Variants in SETD1B observed in about 807,000 individuals in gnomAD.
SETD1B encodes SET domain containing 1B, histone lysine methyltransferase.
SETD1B carries 7 observed loss-of-function variants against 148.0 expected under a neutral mutation model. That is an observed-to-expected ratio of 0.05 (90% CI 0.03 to 0.09). SETD1B has a LOEUF of 0.09. SETD1B is among the 10% of genes least tolerant of loss of function. SETD1B has a pLI of 1.00. For missense variants in SETD1B, 2,155 were observed against 2,729.9 expected, an observed-to-expected ratio of 0.79 and a Z score of 4.69; for synonymous variants, 1,361 against 1,186.5, an observed-to-expected ratio of 1.15 and a Z score of -3.02.
the SETD1B span, chr12:121,793,057 G>A: frequency 1.3e-5 from 14 of 1,079,734 alleles, no homozygotes; most frequent in Non-Finnish European, 1.9e-5. Context: ...CCCTGCCAAG[G>A]CTGCAGGGCG....
upstream of SETD1B, chr12:121,799,051 C>T (rs1479759830): frequency 6.6e-6 from 1 of 152,258 alleles, no homozygotes; most frequent in Non-Finnish European, 1.5e-5. Flanking sequence ...AAATGCCAGT[C>T]CTAAGGACCA....
rs760978203 is a variant in SETD1B at position 121,810,396 on chromosome 12, C to T, written c.1451C>T (p.Thr484Met). Residue 484 changes from threonine (T) to methionine (M), a missense_variant, in exon 6 of 17, where the codon ACG becomes ATG. Transcript: ENST00000604567. This position sits in a 1 kb window ranked among gnomAD's most constrained non-coding sequence, Gnocchi z 7.6. The stretch of plus-strand genomic sequence containing the variant: ...CCCTGTGACAGCCCTGGCACGCCCA[C>T]GCTGGAGTCGTCCCCTGCAGGGCCA... ...PEPCDSPGTPTLESSPAGPEK... is the reference protein window; with the variant it reads ...PEPCDSPGTPMLESSPAGPEK... The T allele has an allele frequency of 1.5e-5, 23 of 1,548,748 alleles. No homozygotes were observed. Among genetic ancestry groups the T allele is most frequent in the South Asian group, 4.8e-5 (4 of 84,062 alleles).
At position 121,808,379 on chromosome 12, in the gene SETD1B, T is replaced by A; in HGVS notation, c.657+59T>A. ...AGCTCTTTGATGTGCCCCCCACCTC[T>A]GGAAAGCCTCACCAACTCTCTTATG... On this transcript the variant is annotated intron_variant, in intron 5 of 16. Transcript: ENST00000604567. The surrounding 1 kb of genome is among the most constrained non-coding windows in gnomAD (Gnocchi z 5.3). 2 of 1,192,802 alleles carry A rather than the reference T, an allele frequency of 1.7e-6. No homozygotes were observed. The allele number at this position is 1,192,802 out of a possible 1,614,324, so 73.9% of individuals were successfully genotyped here.
Position 121,819,407 on chromosome 12 carries a change from A to G in SETD1B, c.3422A>G (p.Glu1141Gly), listed in dbSNP as rs1211706334. The change falls in exon 11 of 17, where the codon GAG (glutamate) becomes GGG (glycine). Residue 1141 changes from glutamate to glycine, a missense_variant. Physicochemically the swap from Glu to Gly is moderately conservative, Grantham distance 98. Transcript: ENST00000604567. ...CTCGTCTGTGTCCCCCATCCAGAGG[A>G]GACAGTGAGCATTGTAACCTCCAAG... Reference protein sequence around the residue: ...EKDEGDSDEEETVSIVTSKAE... With the variant: ...EKDEGDSDEEGTVSIVTSKAE... 2.6e-6 allele frequency: 4 copies of G among 1,551,686 alleles called. No homozygotes were observed. Among genetic ancestry groups the G allele is most frequent in the Non-Finnish European group, 3.5e-6 (4 of 1,147,028 alleles).
rs1876472522 is a variant in SETD1B, at chr12:121,819,647, G to T, written c.3662G>T (p.Gly1221Val). 6.4e-7 allele frequency: 1 copy of T among 1,551,498 alleles called. No individual in the cohort carries two copies. Among genetic ancestry groups the T allele is most frequent in the South Asian group, 1.2e-5 (1 of 84,056 alleles). ...GGGGAGGAAGCGGCTCTGGCCCCGG[G>T]GGCACCTGCAGTGGACTCGTTGGGC... ...QDGEEAALAPGAPAVDSLGME... is the reference protein window; with the variant it reads ...QDGEEAALAPVAPAVDSLGME... Residue 1221 changes from glycine to valine, a missense_variant, in exon 11 of 17, where the codon GGG becomes GTG. By Grantham distance (109) the Gly-to-Val change is moderately radical (BLOSUM62 -3). Coordinates refer to ENST00000604567, the MANE Select transcript of SETD1B (RefSeq NM_001353345.2).
In SETD1B at chr12:121,830,534, CCTCT is replaced by C. The variant is rs1042129663; in HGVS notation, c.*302_*305del. On this transcript the variant is annotated 3_prime_UTR_variant, in exon 17 of 17. Transcript: ENST00000604567. This position sits in a 1 kb window ranked among gnomAD's most constrained non-coding sequence, Gnocchi z 5.7. ...GCTTCTCTCTCTCCGTCTCTCCTCC[CCTCT>C]CTCTCTTCTCTGTCTCTTCTCTCTC... 5 of 310,104 alleles carry C rather than the reference CCTCT, an allele frequency of 1.6e-5. No individual in the cohort carries two copies. The highest frequency in any genetic ancestry group is 3.0e-5 in the Non-Finnish European group (5 of 166,716). The allele number at this position is 310,104 out of a possible 1,614,324, so 19.2% of individuals were successfully genotyped here.
At chr12:121,820,010 C>T (rs889632843) in intron 11 of SETD1B, 115 bp downstream of exon 11, 45 of 884,692 alleles carry the variant, frequency 5.1e-5, no homozygotes, top group Non-Finnish European at 6.7e-5. Context: ...CTCAGTTTCC[C>T]GTGTAAAACG....
rs975102095 is a variant in SETD1B at position 121,823,831 on chromosome 12, C to T, written c.5170+82C>T. 45 of 1,460,570 alleles carry T rather than the reference C, an allele frequency of 3.1e-5. 2 individuals are homozygous for T. The South Asian group carries it at 5.6e-4, about 18-fold the overall frequency. The allele number at this position is 1,460,570 out of a possible 1,614,324, so 90.5% of individuals were successfully genotyped here. A position where few individuals can be genotyped will look rare whatever the true frequency, so the allele number is the denominator to read the frequency against. On this transcript the variant is annotated intron_variant, in intron 12 of 16. Transcript: ENST00000604567. ...ACCTCTCTGGGCCCCACCACCCAGTCTGTAGCAGCCCGCGGTGCCCATGAA... is the reference window on the plus strand; with the variant it reads ...ACCTCTCTGGGCCCCACCACCCAGTTTGTAGCAGCCCGCGGTGCCCATGAA...
At chr12:121,806,404 G>C (rs1875743167) in intron 4 of SETD1B, among the ~76,000 whole-genome samples, 2 of 152,174 alleles carry the variant, frequency 1.3e-5, no homozygotes, top group African/African-American at 4.8e-5. Flanking sequence ...AGCCCTGGTG[G>C]CTTGGGTTTA....
intron 11 of SETD1B, 110 bp from the exon 12 acceptor site, chr12:121,822,380 C>A: frequency 3.8e-6 from 5 of 1,311,606 alleles, no homozygotes; most frequent in Non-Finnish European, 5.1e-6. Flanking sequence ...GGACAGGTCC[C>A]GTGCTCAGAC....
the SETD1B span, chr12:121,797,969 G>A: frequency 1.3e-5 from 3 of 237,498 alleles, no homozygotes; most frequent in African/African-American, 4.6e-5. Flanking sequence ...CGGCTCATCG[G>A]GGATTGAAGA....
the SETD1B span, among the ~76,000 whole-genome samples, chr12:121,796,931 G>A: frequency 6.6e-6 from 1 of 151,998 alleles, no homozygotes; most frequent in Non-Finnish European, 1.5e-5. Flanking sequence ...CCAGCTACTC[G>A]GAGGCTGAGG....
chr12:121,798,388 G>A, the SETD1B span, among the ~76,000 whole-genome samples: 1 of 151,998 alleles, frequency 6.6e-6, no homozygotes, highest in Non-Finnish European at 1.5e-5. Context: ...TTCAGCAGGT[G>A]GGCTGGTGCG....
upstream of SETD1B, chr12:121,800,307 C>T (rs946374801): frequency 1.3e-5 from 2 of 152,368 alleles, no homozygotes; most frequent in Non-Finnish European, 1.5e-5. Context: ...GGCTGCCCAA[C>T]GGGGCGTCTG....
chr12:121,830,490 C>G lies in SETD1B; in HGVS notation c.*251C>G. The G allele has an allele frequency of 2.4e-6, 1 of 410,756 alleles. No homozygotes were observed. Among genetic ancestry groups the G allele is most frequent in the Non-Finnish European group, 4.4e-6 (1 of 227,814 alleles). 25.4% of individuals were successfully genotyped at this position (410,756 alleles called of 1,614,324 possible). ...TTAACAAACGCCCCTTTCAGGATTT[C>G]TGTTTAACTCCAGCATCAGCTTCTC... On this transcript the variant is annotated 3_prime_UTR_variant, in exon 17 of 17. Transcript: ENST00000604567. This position sits in a 1 kb window ranked among gnomAD's most constrained non-coding sequence, Gnocchi z 5.7.
In SETD1B at chr12:121,823,365, C is replaced by T. The variant is rs1268610473; in HGVS notation, c.4786C>T (p.Pro1596Ser). Reference protein sequence around the residue: ...LPPQPPPPPPPPPVEPTKLPF... With the variant: ...LPPQPPPPPPSPPVEPTKLPF... Reference sequence around the variant, plus strand: ...CCCCCAGCCACCCCCACCCCCACCTCCCCCACCTGTAGAGCCCACCAAGCT... The same window carrying T: ...CCCCCAGCCACCCCCACCCCCACCTTCCCCACCTGTAGAGCCCACCAAGCT... The change falls in exon 12 of 17, where the codon CCC becomes TCC. Residue 1596 changes from proline (P) to serine (S), a missense_variant. Around this residue, in one of 11 missense-constraint regions of SETD1B, gnomAD observed 862 missense variants for 873.8 expected, o/e 0.99. Transcript: ENST00000604567. 7 of 1,522,578 alleles carry T rather than the reference C, an allele frequency of 4.6e-6. No individual in the cohort carries two copies. The highest frequency in any genetic ancestry group is 6.2e-6 in the Non-Finnish European group (7 of 1,129,800). The allele number at this position is 1,522,578 out of a possible 1,614,324, so 94.3% of individuals were successfully genotyped here.
chr12:121,802,319 CTG>C (rs762553593), upstream of SETD1B: 3 of 152,216 alleles, frequency 2.0e-5, no homozygotes, highest in South Asian at 2.1e-4. Flanking sequence ...AACATCAAAA[CTG>C]TACTGCGTCA....
chr12:121,827,498 C>T (rs1218623959), intron 13 of SETD1B, 21 bp from the exon 14 acceptor site: 4 of 1,521,330 alleles, frequency 2.6e-6, no homozygotes, highest in African/African-American at 2.8e-5. Flanking sequence ...TCCGCTGAGC[C>T]CCGCACACCG....
chr12:121,810,224 G>A lies in SETD1B; in HGVS notation c.1279G>A (p.Glu427Lys), dbSNP rs1193329037. 26 of 1,548,896 alleles carry A rather than the reference G, an allele frequency of 1.7e-5. No homozygotes were observed. Among genetic ancestry groups the A allele is most frequent in the Non-Finnish European group, 2.3e-5 (26 of 1,146,840 alleles). ...TAAFGARDSG[E>K]FRRAPAPPPL... ...CGCTTTTGGGGCCCGCGACAGTGGGGAGTTCCGGAGGGCACCGGCGCCCCC... is the reference window on the plus strand; with the variant it reads ...CGCTTTTGGGGCCCGCGACAGTGGGAAGTTCCGGAGGGCACCGGCGCCCCC... Residue 427 changes from glutamate to lysine, a missense_variant, in exon 6 of 17, where the codon GAG (glutamate) becomes AAG (lysine). Glu to Lys is a moderately conservative substitution (Grantham distance 56). This residue lies in a region of SETD1B where 376 missense variants were observed against 385.0 expected (regional missense o/e 0.98). Coordinates refer to ENST00000604567, the MANE Select transcript of SETD1B (RefSeq NM_001353345.2). This position sits in a 1 kb window ranked among gnomAD's most constrained non-coding sequence, Gnocchi z 7.6.
Sources: allele counts gnomAD v4.1 joint callset (sites outside exome capture counted in the v4.1 genomes callset), GRCh38; gene constraint gnomAD v4.1.1; regional missense constraint gnomAD v4.1.1; non-coding constraint Gnocchi (gnomAD v3.1); transcripts MANE v1.5; gene names NCBI Gene and HGNC (gene_info 2026-07-23, HGNC 2026-07-21).